PKIA: variants seen among roughly 807,000 people sequenced by gnomAD.
PKIA encodes the protein cAMP-dependent protein kinase inhibitor alpha.
PKIA carries 4 observed loss-of-function variants against 7.6 expected under a neutral mutation model. The observed-to-expected ratio is 0.52, with a 90% confidence interval of 0.26 to 1.20. PKIA has a LOEUF of 1.20. Ranked by LOEUF, PKIA falls within the 50% of genes most tolerant of loss-of-function variation. The pLI, the probability that PKIA is intolerant of heterozygous loss-of-function variation, is 0.13. For missense variants in PKIA, 73 were observed against 86.2 expected (o/e 0.85, Z 0.61); for synonymous variants, 21 against 30.7 (o/e 0.68, Z 1.04).
chr8:78,593,690 A>T (rs1808158541), intron 2 of PKIA, among the ~76,000 whole-genome samples: 1 of 152,212 alleles, frequency 6.6e-6, no homozygotes, highest in South Asian at 2.1e-4. Context: ...ACTCTGACTT[A>T]CTCATAGACA....
At chr8:78,552,412 A>G (rs1320492048) in intron 1 of PKIA, among the ~76,000 whole-genome samples, 2 of 151,788 alleles carry the variant, frequency 1.3e-5, no homozygotes, top group African/African-American at 4.8e-5. Context: ...CATTCTTCCA[A>G]TTCTTCTGGA....
chr8:78,540,659 G>T (rs762861890), intron 1 of PKIA, among the ~76,000 whole-genome samples: 135 of 152,042 alleles, frequency 8.9e-4, no homozygotes, highest in Non-Finnish European at 1.5e-3. Context: ...AGAGGGGGTG[G>T]GGCAGGGACT....
At chr8:78,523,625 T>C (rs1809458294) in intron 1 of PKIA, among the ~76,000 whole-genome samples, 1 of 151,846 alleles carries the variant, frequency 6.6e-6, no homozygotes, top group Non-Finnish European at 1.5e-5. Flanking sequence ...CATACACAGC[T>C]TCTCTGATAA....
In PKIA at chr8:78,551,345, C is replaced by A. The variant is rs546707759; in HGVS notation, c.-156-21466C>A. On this transcript the variant is annotated intron_variant, in intron 1 of 3. Coordinates refer to ENST00000396418, the MANE Select transcript of PKIA (RefSeq NM_006823.4). Reference sequence around the variant, plus strand: ...TCTAATGTATGGTATATGGTAGACACCATGTTAGCATATCTAAATAGTCCT... The same window carrying A: ...TCTAATGTATGGTATATGGTAGACAACATGTTAGCATATCTAAATAGTCCT... Among the ~76,000 whole-genome samples, 3 of 152,062 alleles carry A rather than the reference C, an allele frequency of 2.0e-5. No individual in the cohort carries two copies. In the East Asian group the frequency reaches 5.8e-4, roughly 29 times the overall value.
At chr8:78,573,162 A>T (rs115624034) in intron 2 of PKIA, among the ~76,000 whole-genome samples, 1,704 of 152,180 alleles carry the variant, frequency 0.011, 32 homozygotes, top group African/African-American at 0.04. Flanking sequence ...GTTACTAAGT[A>T]CACTTAGTGA....
At chr8:78,539,893 C>T (rs1260263735) in intron 1 of PKIA, among the ~76,000 whole-genome samples, 1 of 151,836 alleles carries the variant, frequency 6.6e-6, no homozygotes, top group Non-Finnish European at 1.5e-5. Flanking sequence ...CATACACCTA[C>T]AGTTTTATGT....
intron 1 of PKIA, among the ~76,000 whole-genome samples, chr8:78,521,039 A>G (rs1190516089): frequency 6.6e-6 from 1 of 152,162 alleles, no homozygotes; most frequent in Non-Finnish European, 1.5e-5. Context: ...TTGATTCACA[A>G]AAAAGGCATG....
intron 1 of PKIA, among the ~76,000 whole-genome samples, chr8:78,554,196 AT>A (rs1403442111): frequency 6.6e-6 from 1 of 152,040 alleles, no homozygotes; most frequent in East Asian, 1.9e-4. Flanking sequence ...TGGTGGAAAT[AT>A]TTTAATTGCA....
intron 2 of PKIA, among the ~76,000 whole-genome samples, chr8:78,583,428 A>C (rs16905812): frequency 0.25 from 37,593 of 152,046 alleles, 5,519 homozygotes; most frequent in African/African-American, 0.41. Context: ...TTGCCCTCAA[A>C]ACCACGTTCC....
At chr8:78,585,876 T>G (rs1422729206) in intron 2 of PKIA, among the ~76,000 whole-genome samples, 1 of 152,198 alleles carries the variant, frequency 6.6e-6, no homozygotes, top group Non-Finnish European at 1.5e-5. Context: ...AAATGTAGCA[T>G]TGTGGCATAT....
At chr8:78,539,169 A>C (rs1806610732) in intron 1 of PKIA, among the ~76,000 whole-genome samples, 1 of 152,062 alleles carries the variant, frequency 6.6e-6, no homozygotes, top group Non-Finnish European at 1.5e-5. Flanking sequence ...AAAAGAAATA[A>C]TTTTCTGAAC....
chr8:78,525,268 TAGTC>T (rs892986072), intron 1 of PKIA, among the ~76,000 whole-genome samples: 37 of 151,546 alleles, frequency 2.4e-4, no homozygotes, highest in Admixed American at 1.8e-3. Flanking sequence ...GATGGAGTAT[TAGTC>T]AGCACTTCTT....
chr8:78,528,390 G>A (rs1170826140), intron 1 of PKIA, among the ~76,000 whole-genome samples: 2 of 152,004 alleles, frequency 1.3e-5, no homozygotes, highest in Non-Finnish European at 1.5e-5. Flanking sequence ...GGATCATTGA[G>A]TTTTTCTTCC....
intron 2 of PKIA, among the ~76,000 whole-genome samples, chr8:78,581,331 A>G (rs1807802124): frequency 6.6e-6 from 1 of 152,142 alleles, no homozygotes; most frequent in South Asian, 2.1e-4. Context: ...CAATGAGTTT[A>G]TATCAATATA....
intron 1 of PKIA, among the ~76,000 whole-genome samples, chr8:78,550,124 C>T (rs1469025664): frequency 6.6e-6 from 1 of 151,968 alleles, no homozygotes; most frequent in Non-Finnish European, 1.5e-5. Context: ...GGGAGAAAGA[C>T]TGAACTCAAT....
Position 78,598,459 on chromosome 8 carries a change from T to C in PKIA, c.75T>C (p.Asp25=). ...GRTGRRNAIH[D]ILVSSASGNS... ...CAGGTAGAAGAAATGCAATACATGA[T>C]ATCCTGGTTTCCTCTGCAAGTGGCA... The change falls in exon 3 of 4, where the codon GAT becomes GAC. Residue 25 remains aspartate (D), a synonymous_variant. Transcript: ENST00000396418. The C allele has an allele frequency of 6.2e-7, 1 of 1,611,714 alleles. No individual in the cohort carries two copies. The highest frequency in any genetic ancestry group is 8.5e-7 in the Non-Finnish European group (1 of 1,178,170).
At chr8:78,537,156 C>A (rs971046558) in intron 1 of PKIA, among the ~76,000 whole-genome samples, 10 of 151,440 alleles carry the variant, frequency 6.6e-5, no homozygotes, top group Admixed American at 5.3e-4. Context: ...AAAATTTCCC[C>A]AAGTAACAAG....
At chr8:78,586,639 G>T (rs1012708227) in intron 2 of PKIA, among the ~76,000 whole-genome samples, 2 of 152,096 alleles carry the variant, frequency 1.3e-5, no homozygotes, top group African/African-American at 4.8e-5. Context: ...TCAAAACCCA[G>T]ATACTGTTGA....
At chr8:78,577,267 T>C (rs1231872773) in intron 2 of PKIA, among the ~76,000 whole-genome samples, 3 of 151,914 alleles carry the variant, frequency 2.0e-5, no homozygotes, top group Admixed American at 2.0e-4. Flanking sequence ...CCATATGTTC[T>C]CACTTACAAG....
Sources: allele counts gnomAD v4.1 joint callset (sites outside exome capture counted in the v4.1 genomes callset), GRCh38; gene constraint gnomAD v4.1.1; transcripts MANE v1.5; gene names NCBI Gene and HGNC (gene_info 2026-07-23, HGNC 2026-07-21).